The following TTI1 variants were observed in gnomAD, a reference collection of about 807,000 sequenced individuals.
TTI1 encodes TELO2-interacting protein 1 homolog.
TTI1 carries 52 observed loss-of-function variants against 85.4 expected under a neutral mutation model. The observed-to-expected ratio is 0.61, with a 90% confidence interval of 0.49 to 0.77. TTI1 has a LOEUF of 0.77. Ranked by LOEUF, TTI1 falls within the 30% of genes least tolerant of loss-of-function variation. The pLI is 0.00. For synonymous variants in TTI1, 512 were observed against 503.9 expected, an observed-to-expected ratio of 1.02 and a Z score of -0.22; for missense variants, 1,173 against 1,296.0, an observed-to-expected ratio of 0.91 and a Z score of 1.46.
At chr20:38,002,529 G>A (rs1384853933) in intron 4 of TTI1, 99 bp downstream of exon 4, 4 of 1,492,560 alleles carry the variant, frequency 2.7e-6, no homozygotes, top group Admixed American at 1.8e-5. Context: ...TGGACCAGGA[G>A]ATAAGGGGAG....
intron 4 of TTI1, among the ~76,000 whole-genome samples, chr20:38,002,035 T>C (rs2073433313): frequency 6.6e-6 from 1 of 152,114 alleles, no homozygotes; most frequent in Admixed American, 6.5e-5. Flanking sequence ...TATTTCTCAC[T>C]CCTGCTTGGG....
At chr20:38,009,862 T>C (rs2073557738) in intron 2 of TTI1, among the ~76,000 whole-genome samples, 1 of 152,184 alleles carries the variant, frequency 6.6e-6, no homozygotes, top group South Asian at 2.1e-4. Context: ...TTTCTCATCC[T>C]TCAGGTTTTG....
chr20:38,004,834 G>C (rs1399053985), intron 3 of TTI1, among the ~76,000 whole-genome samples: 1 of 152,206 alleles, frequency 6.6e-6, no homozygotes, highest in African/African-American at 2.4e-5. Flanking sequence ...GGCAAATCTG[G>C]ATTATGAGGG....
chr20:38,006,336 C>G lies in TTI1; in HGVS notation c.2364G>C (p.Glu788Asp), dbSNP rs1200951298. 6.2e-7 allele frequency: 1 copy of G among 1,614,194 alleles called. No homozygotes were observed. ...GHLQEQSLGE[E>D]GSHLNQRPAA... ...CTGGTCTTTGGTTCAAATGACTTCC[C>G]TCTTCTCCTAAACTTTGCTCTTGGA... The change falls in exon 3 of 8, where the codon GAG becomes GAC. Residue 788 changes from glutamate (E) to aspartate (D), a missense_variant. Glu to Asp is a conservative substitution (Grantham distance 45). Coordinates refer to ENST00000373447, the MANE Select transcript of TTI1 (RefSeq NM_001303457.2).
rs570180226 is a variant in TTI1, at chr20:37,997,020, T to C, written c.2794-67A>G. 4.2e-5 allele frequency: 64 copies of C among 1,538,338 alleles called. No homozygotes were observed. The South Asian group carries it at 6.3e-4, about 15-fold the overall frequency. ...GGCAGCAAGAGAGCTAAAGAATGCT[T>C]GGTAATTCGATTTCATCTAGGTCTC... is the stretch of plus-strand genomic sequence containing the variant. On this transcript the variant is annotated intron_variant, in intron 5 of 7. Coordinates refer to ENST00000373447, the MANE Select transcript of TTI1 (RefSeq NM_001303457.2).
Position 38,020,321 on chromosome 20 carries a change from AAAATATATATATAT to A in TTI1, c.-41-6478_-41-6465del, listed in dbSNP as rs1423826552. 9.4e-5 allele frequency among the ~76,000 whole-genome samples: 4 copies of A among 42,712 alleles called. No individual in the cohort carries two copies. The East Asian group carries it at 1.7e-3, about 18-fold the overall frequency. 28.0% of individuals were successfully genotyped at this position (42,712 alleles called of 152,430 possible). A position where few individuals can be genotyped will look rare whatever the true frequency, so the allele number is the denominator to read the frequency against. On this transcript the variant is annotated intron_variant, in intron 1 of 7. Transcript: ENST00000373447. The stretch of plus-strand genomic sequence containing the variant: ...TTGGCTACTCATATGAAAAAAAAAA[AAAATATATATATAT>A]ATATATATATATATATATGTATGTA...
At chr20:38,007,132 G>T (rs2073513457) in intron 2 of TTI1, among the ~76,000 whole-genome samples, 1 of 152,202 alleles carries the variant, frequency 6.6e-6, no homozygotes, top group African/African-American at 2.4e-5. Context: ...CAAAGTATAT[G>T]CAAAAGAAAA....
At position 37,984,736 on chromosome 20, in the gene TTI1, T is replaced by C. The variant is rs145662174; in HGVS notation, c.3087-1097A>G. On this transcript the variant is annotated intron_variant, in intron 7 of 7. Transcript: ENST00000373447. The stretch of plus-strand genomic sequence containing the variant: ...CTTTCAGGACACCTTTCCTAGCACA[T>C]ATTGACCATTGATTGTCTCCCTCAC... Among the ~76,000 whole-genome samples the C allele has an allele frequency of 8.0e-3, 1,219 of 152,286 alleles. 6 individuals carry two copies. The highest frequency in any genetic ancestry group is 0.023 in the African/African-American group (950 of 41,548).
intron 7 of TTI1, chr20:37,987,449 A>T: frequency 2.4e-6 from 1 of 418,304 alleles, no homozygotes; most frequent in Non-Finnish European, 4.8e-6. Context: ...CCAAAGAGAA[A>T]CACTTTTTAA....
chr20:38,017,969 G>A (rs1462043999), intron 1 of TTI1, among the ~76,000 whole-genome samples: 1 of 152,132 alleles, frequency 6.6e-6, no homozygotes, highest in Non-Finnish European at 1.5e-5. Flanking sequence ...CCTGAAATAC[G>A]TCAGACTAGA....
At chr20:38,014,648 A>G (rs780370904) in intron 1 of TTI1, among the ~76,000 whole-genome samples, 13 of 152,198 alleles carry the variant, frequency 8.5e-5, no homozygotes, top group Admixed American at 6.5e-5. Context: ...CACAGAACAC[A>G]CAGGAGAAGA....
intron 1 of TTI1, among the ~76,000 whole-genome samples, chr20:38,018,773 C>A (rs1269915925): frequency 6.6e-6 from 1 of 151,142 alleles, no homozygotes; most frequent in Non-Finnish European, 1.5e-5. Flanking sequence ...AAATAATTCC[C>A]AACTTTGATT....
chr20:37,992,499 G>T (rs1255453387), intron 7 of TTI1, among the ~76,000 whole-genome samples: 1 of 152,146 alleles, frequency 6.6e-6, no homozygotes, highest in African/African-American at 2.4e-5. Flanking sequence ...CTGGCCTGGA[G>T]CTCCTGAGCC....
intron 1 of TTI1, among the ~76,000 whole-genome samples, chr20:38,023,452 G>T (rs1348208818): frequency 6.6e-6 from 1 of 152,204 alleles, no homozygotes; most frequent in Non-Finnish European, 1.5e-5. Flanking sequence ...GGCCACTGAG[G>T]TGTGGGAACC....
chr20:38,032,348 T>C (rs770343465), intron 1 of TTI1, among the ~76,000 whole-genome samples: 16 of 152,144 alleles, frequency 1.1e-4, no homozygotes, highest in Non-Finnish European at 1.2e-4. Context: ...AGAACTGCAA[T>C]ACAGTGCAAT....
chr20:37,983,680 G>A (rs759768970), intron 7 of TTI1, 41 bp from the exon 8 acceptor site: 1 of 1,438,362 alleles, frequency 7.0e-7, no homozygotes, highest in East Asian at 2.7e-5. Context: ...GGTACAGAGA[G>A]GGAAGGCGGG....
In TTI1 at chr20:38,011,371, C is replaced by A. The variant is rs140142941; in HGVS notation, c.2302+144G>T. 3.1e-3 allele frequency: 2,713 copies of A among 889,456 alleles called. 23 individuals carry two copies. The highest frequency in any genetic ancestry group is 0.02 in the African/African-American group (1,195 of 59,098). The allele number at this position is 889,456 out of a possible 1,614,324, so 55.1% of individuals were successfully genotyped here. A position where few individuals can be genotyped will look rare whatever the true frequency, so the allele number is the denominator to read the frequency against. On this transcript the variant is annotated intron_variant, in intron 2 of 7. Coordinates refer to ENST00000373447, the MANE Select transcript of TTI1 (RefSeq NM_001303457.2). ...TATAAAAGATAAACAGTGAAACCCC[C>A]CCATAACCTATGGGACTGGAGAGAA...
chr20:37,998,621 AAAGCATTT>A (rs2073376608), intron 5 of TTI1, among the ~76,000 whole-genome samples: 1 of 152,188 alleles, frequency 6.6e-6, no homozygotes, highest in Non-Finnish European at 1.5e-5. Flanking sequence ...TTAGCTTTTC[AAAGCATTT>A]CACCAAACAG....
chr20:38,026,534 G>A (rs1339401101), intron 1 of TTI1, among the ~76,000 whole-genome samples: 1 of 152,148 alleles, frequency 6.6e-6, no homozygotes, highest in Non-Finnish European at 1.5e-5. Context: ...ATTTTCAGGT[G>A]CTGAAACAAA....
Sources: allele counts gnomAD v4.1 joint callset (sites outside exome capture counted in the v4.1 genomes callset), GRCh38; gene constraint gnomAD v4.1.1; transcripts MANE v1.5; gene names NCBI Gene and HGNC (gene_info 2026-07-23, HGNC 2026-07-21).